PIK3R3: variants seen among roughly 807,000 people sequenced by gnomAD.
PIK3R3 encodes the protein phosphoinositide-3-kinase regulatory subunit 3.
A neutral mutation model predicts 62.9 loss-of-function variants in PIK3R3; 64 were observed. The observed-to-expected ratio is 1.02, with a 90% CI of 0.83 to 1.25. The LOEUF is 1.25. Among genes scored for constraint, PIK3R3 ranks in the 50% most tolerant of loss-of-function variants. The pLI is 0.00. For synonymous variants in PIK3R3, 165 were observed against 189.0 expected (o/e 0.87, Z 1.04); for missense variants, 614 against 561.6 (o/e 1.09, Z -0.94).
chr1:46,154,095 A>G, the PIK3R3 span, among the ~76,000 whole-genome samples: 22 of 152,360 alleles, frequency 1.4e-4, no homozygotes, highest in African/African-American at 5.3e-4. Flanking sequence ...GTAACAGTCC[A>G]GAAATAAGCA....
chr1:46,071,870 C>T (rs1305865986), intron 3 of PIK3R3, among the ~76,000 whole-genome samples: 1 of 151,274 alleles, frequency 6.6e-6, no homozygotes, highest in African/African-American at 2.4e-5. Context: ...ATTCAAGGCC[C>T]TCTTAAACAT....
chr1:46,073,586 A>G (rs1468802410), intron 3 of PIK3R3, among the ~76,000 whole-genome samples: 1 of 152,002 alleles, frequency 6.6e-6, no homozygotes. Flanking sequence ...CCATCTTTTC[A>G]TCCATGTTTC....
chr1:46,104,434 C>T (rs896760566), intron 1 of PIK3R3, among the ~76,000 whole-genome samples: 9 of 152,134 alleles, frequency 5.9e-5, no homozygotes, highest in Non-Finnish European at 1.3e-4. Flanking sequence ...CTTTTCATAG[C>T]TCACTAAATT....
At chr1:46,148,352 C>A in the PIK3R3 span, among the ~76,000 whole-genome samples, 4 of 152,224 alleles carry the variant, frequency 2.6e-5, no homozygotes, top group East Asian at 7.7e-4. Flanking sequence ...GAACCAGACT[C>A]GTTCCCAGTT....
At chr1:46,155,797 A>C in the PIK3R3 span, among the ~76,000 whole-genome samples, 1 of 152,126 alleles carries the variant, frequency 6.6e-6, no homozygotes, top group Non-Finnish European at 1.5e-5. Flanking sequence ...TTATGGGTAC[A>C]TCTACATTTT....
At chr1:46,150,029 T>C in the PIK3R3 span, among the ~76,000 whole-genome samples, 7 of 152,228 alleles carry the variant, frequency 4.6e-5, no homozygotes, top group Non-Finnish European at 8.8e-5. Context: ...ACAGCTTCTG[T>C]TATCCAAAGA....
upstream of PIK3R3, chr1:46,132,930 C>T: frequency 8.6e-7 from 1 of 1,163,426 alleles, no homozygotes; most frequent in Non-Finnish European, 1.1e-6. Context: ...ACGATCCGGG[C>T]GCTGGCCGCA....
In PIK3R3 at chr1:46,044,497, A is replaced by G. The variant is rs1435973369; in HGVS notation, c.1188-626T>C. ...GCTTACTGCCTTCCTTCTTTTTATT[A>G]TTCTTAGAAGATCCTAAGTCTTACA... On this transcript the variant is annotated intron_variant, in intron 9 of 9. Coordinates refer to ENST00000262741, the MANE Select transcript of PIK3R3 (RefSeq NM_003629.4). The surrounding 1 kb of genome is among the most constrained non-coding windows in gnomAD (Gnocchi z 4.2). Among the ~76,000 whole-genome samples, 1 of 152,118 alleles carries G rather than the reference A, an allele frequency of 6.6e-6. No individual in the cohort carries two copies. Among genetic ancestry groups the G allele is most frequent in the African/African-American group, 2.4e-5 (1 of 41,418 alleles).
chr1:46,077,247 G>A lies in PIK3R3; in HGVS notation c.314+268C>T, dbSNP rs186426943. 1.7e-3 allele frequency among the ~76,000 whole-genome samples: 252 copies of A among 152,130 alleles called. 1 individual carries two copies. The highest frequency in any genetic ancestry group is 2.8e-4 in the Non-Finnish European group (19 of 67,994). ...CCATGACTTCTACTTCCTTTATAAGGTCAACAGTATGCTTCCTACTCCCTT... is the reference window on the plus strand; with the variant it reads ...CCATGACTTCTACTTCCTTTATAAGATCAACAGTATGCTTCCTACTCCCTT... On this transcript the variant is annotated intron_variant, in intron 3 of 9. Transcript: ENST00000262741.
At position 46,132,168 on chromosome 1, in the gene PIK3R3, T is replaced by C; in HGVS notation, c.-216A>G. 2 of 1,328,206 alleles carry C rather than the reference T, an allele frequency of 1.5e-6. No homozygotes were observed. Among genetic ancestry groups the C allele is most frequent in the Non-Finnish European group, 9.7e-7 (1 of 1,036,122 alleles). 82.3% of individuals were successfully genotyped at this position (1,328,206 alleles called of 1,614,324 possible). A position where few individuals can be genotyped will look rare whatever the true frequency, so the allele number is the denominator to read the frequency against. ...AAAATGCCCCCGAACTTTCAAGCTA[T>C]GGGCTTTTCTCCTCAGAGGATTACA... is the stretch of plus-strand genomic sequence containing the variant. On this transcript the variant is annotated 5_prime_UTR_variant, in exon 1 of 10. Coordinates refer to ENST00000262741, the MANE Select transcript of PIK3R3 (RefSeq NM_003629.4).
chr1:46,057,516 G>C (rs1300434476), intron 6 of PIK3R3: 1 of 152,548 alleles, frequency 6.6e-6, no homozygotes. Flanking sequence ...GAACTTCCTA[G>C]TGTTGAATGG....
intron 1 of PIK3R3, among the ~76,000 whole-genome samples, chr1:46,088,806 A>G (rs1174739212): frequency 6.6e-6 from 1 of 151,888 alleles, no homozygotes; most frequent in Non-Finnish European, 1.5e-5. Context: ...AAAAAGATCC[A>G]TATCAAGCTA....
At chr1:46,169,843 A>G in the PIK3R3 span, among the ~76,000 whole-genome samples, 1 of 152,214 alleles carries the variant, frequency 6.6e-6, no homozygotes, top group African/African-American at 2.4e-5. Context: ...CAGAAGTGCT[A>G]GGTAAATACC....
At chr1:46,174,103 T>C in the PIK3R3 span, among the ~76,000 whole-genome samples, 1 of 152,184 alleles carries the variant, frequency 6.6e-6, no homozygotes, top group East Asian at 1.9e-4. Context: ...ACATATATCG[T>C]GTGGGGATCT....
At chr1:46,130,337 C>CT (rs1655469608) in intron 1 of PIK3R3, among the ~76,000 whole-genome samples, 1 of 152,128 alleles carries the variant, frequency 6.6e-6, no homozygotes, top group Non-Finnish European at 1.5e-5. Context: ...ATCTAACATG[C>CT]TTTACCGTTA....
At chr1:46,167,548 T>C in the PIK3R3 span, among the ~76,000 whole-genome samples, 2 of 152,188 alleles carry the variant, frequency 1.3e-5, no homozygotes, top group African/African-American at 4.8e-5. Flanking sequence ...ACTGCCAGCC[T>C]GGAGGTGGTG....
chr1:46,101,252 T>A (rs1206615496), intron 1 of PIK3R3, among the ~76,000 whole-genome samples: 1 of 151,664 alleles, frequency 6.6e-6, no homozygotes, highest in Non-Finnish European at 1.5e-5. Context: ...TCCCAGCACT[T>A]TGGGAGGCTG....
Position 46,043,705 on chromosome 1 carries a change from C to T in PIK3R3, c.1354G>A (p.Val452Ile), listed in dbSNP as rs1241801766. Reference sequence around the variant, plus strand: ...CAAAGCGAGGGCATCTGTGCATGAACAGGGTAGGCAAGCCTGACGTTGAGG... The same window carrying T: ...CAAAGCGAGGGCATCTGTGCATGAATAGGGTAGGCAAGCCTGACGTTGAGG... ...DSLNVRLAYP[V>I]HAQMPSLCR The change falls in exon 10 of 10, where the codon GTT (valine) becomes ATT (isoleucine). Residue 452 changes from valine to isoleucine, a missense_variant. By Grantham distance (29) the Val-to-Ile change is conservative. Coordinates refer to ENST00000262741, the MANE Select transcript of PIK3R3 (RefSeq NM_003629.4). The T allele has an allele frequency of 6.2e-7, 1 of 1,614,236 alleles. No individual in the cohort carries two copies. The highest frequency in any genetic ancestry group is 2.2e-5 in the East Asian group (1 of 44,892).
chr1:46,145,962 G>A, the PIK3R3 span, among the ~76,000 whole-genome samples: 12 of 152,294 alleles, frequency 7.9e-5, no homozygotes, highest in East Asian at 2.1e-3. Flanking sequence ...ACTTATCTGG[G>A]TGGAGAAGCA....
Sources: gnomAD v4.1 joint callset for allele counts (sites outside exome capture counted in the v4.1 genomes callset) on GRCh38, gnomAD v4.1.1 for gene constraint, Gnocchi (gnomAD v3.1) non-coding constraint, MANE v1.5 for transcripts, NCBI Gene and HGNC (gene_info 2026-07-23, HGNC 2026-07-21) for gene names.